PAMR1: variants seen among roughly 807,000 people sequenced by gnomAD.
PAMR1 encodes the protein inactive serine protease PAMR1.
In PAMR1, 88 loss-of-function variants were observed where a neutral mutation model predicts 81.8. That is an observed-to-expected ratio of 1.08 (90% CI 0.91 to 1.28). The LOEUF is 1.28. PAMR1 is among the 50% of genes most tolerant of loss of function. The pLI is 0.00. For synonymous variants in PAMR1, 336 were observed against 345.3 expected, an observed-to-expected ratio of 0.97 and a Z score of 0.30; for missense variants, 935 against 919.7, an observed-to-expected ratio of 1.02 and a Z score of -0.21.
chr11:35,514,734 C>G (rs1851132064), intron 1 of PAMR1, among the ~76,000 whole-genome samples: 1 of 152,168 alleles, frequency 6.6e-6, no homozygotes, highest in African/African-American at 2.4e-5. Flanking sequence ...TGCCTGTAAT[C>G]CTAGAGCTTT....
intron 7 of PAMR1, among the ~76,000 whole-genome samples, chr11:35,440,751 T>C (rs1019069670): frequency 3.9e-5 from 6 of 152,222 alleles, no homozygotes; most frequent in Admixed American, 2.6e-4. Context: ...AGTTTACCCC[T>C]TGATTCCCAG....
At chr11:35,522,144 G>T (rs547712) in intron 1 of PAMR1, among the ~76,000 whole-genome samples, 19 of 152,134 alleles carry the variant, frequency 1.2e-4, no homozygotes, top group South Asian at 4.2e-4. Context: ...GGATGGCCTC[G>T]ATCTCCTGAC....
In PAMR1 at chr11:35,468,029, T is replaced by C; in HGVS notation, c.792A>G (p.Ala264=). 3 of 1,562,214 alleles carry C rather than the reference T, an allele frequency of 1.9e-6. No homozygotes were observed. Among genetic ancestry groups the C allele is most frequent in the Non-Finnish European group, 2.6e-6 (3 of 1,151,538 alleles). The change falls in exon 6 of 11, where the codon GCA becomes GCG. Residue 264 remains alanine (A), a synonymous_variant. Transcript: ENST00000619888. ...KAGSYKCACL[A]GYTGQRCENL... is the part of the protein sequence containing the mutation. Reference sequence around the variant, plus strand: ...TTTCACAGCGCTGCCCAGTATAGCCTGCCAAGCAGGCACACTTGTAAGATC... The same window carrying C: ...TTTCACAGCGCTGCCCAGTATAGCCCGCCAAGCAGGCACACTTGTAAGATC...
upstream of PAMR1, chr11:35,526,114 C>T (rs61879580): frequency 0.21 from 33,311 of 157,166 alleles, 3,794 homozygotes; most frequent in Non-Finnish European, 0.25. Flanking sequence ...AAGGGAGCCT[C>T]CCTCCACTCC....
At chr11:35,528,320 A>T (rs1851422210), upstream of PAMR1, among the ~76,000 whole-genome samples, 1 of 152,120 alleles carries the variant, frequency 6.6e-6, no homozygotes, top group African/African-American at 2.4e-5. Flanking sequence ...ACAACCCTAG[A>T]CCCTTATCAG....
chr11:35,528,334 A>G (rs1226569079), upstream of PAMR1, among the ~76,000 whole-genome samples: 1 of 152,218 alleles, frequency 6.6e-6, no homozygotes, highest in East Asian at 1.9e-4. Context: ...TTATCAGCCC[A>G]GAGGAATCTA....
chr11:35,517,684 C>T (rs1421933605), intron 1 of PAMR1, among the ~76,000 whole-genome samples: 1 of 152,232 alleles, frequency 6.6e-6, no homozygotes, highest in East Asian at 1.9e-4. Flanking sequence ...TTTACTTTTG[C>T]TGAATATCTC....
chr11:35,520,105 C>T (rs1851244085), intron 1 of PAMR1, among the ~76,000 whole-genome samples: 1 of 152,126 alleles, frequency 6.6e-6, no homozygotes, highest in Admixed American at 6.5e-5. Context: ...TTTGGATAGC[C>T]AAACTTGGGA....
rs1028034345 is a variant in PAMR1 at position 35,457,488 on chromosome 11, G to A, written c.820+10513C>T. 5.0e-5 allele frequency among the ~76,000 whole-genome samples: 7 copies of A among 138,924 alleles called. No individual in the cohort carries two copies. The East Asian group carries it at 1.4e-3, about 28-fold the overall frequency. The allele number at this position is 138,924 out of a possible 152,430, so 91.1% of individuals were successfully genotyped here. ...ATAATTGTGTGAGCCAATACTTTGT[G>A]TGTATGTGTGTGTGTATACACATAT... is the stretch of plus-strand genomic sequence containing the variant. On this transcript the variant is annotated intron_variant, in intron 6 of 10. Coordinates refer to ENST00000619888, the MANE Select transcript of PAMR1 (RefSeq NM_001001991.3).
chr11:35,514,271 G>A (rs1217569883), intron 1 of PAMR1, among the ~76,000 whole-genome samples: 1 of 152,208 alleles, frequency 6.6e-6, no homozygotes, highest in Non-Finnish European at 1.5e-5. Context: ...ATTCTCTGCA[G>A]AACAGAAAAA....
chr11:35,495,308 G>A (rs188867167), intron 1 of PAMR1, among the ~76,000 whole-genome samples: 17 of 151,270 alleles, frequency 1.1e-4, no homozygotes, highest in Admixed American at 5.3e-4. Flanking sequence ...TCATTCAGGC[G>A]CCAAGTGCAA....
At chr11:35,456,507 G>A (rs908389742) in intron 6 of PAMR1, among the ~76,000 whole-genome samples, 8 of 152,130 alleles carry the variant, frequency 5.3e-5, no homozygotes, top group Non-Finnish European at 1.2e-4. Context: ...TGTTGGAATT[G>A]GAGCTCCCAG....
chr11:35,492,186 C>T lies in PAMR1; in HGVS notation c.251-13G>A, dbSNP rs556026794. 8 of 1,613,784 alleles carry T rather than the reference C, an allele frequency of 5.0e-6. No individual in the cohort carries two copies. The Admixed American group carries it at 1.2e-4, about 24-fold the overall frequency. On this transcript the variant is annotated splice_polypyrimidine_tract_variant and intron_variant, in intron 2 of 10. Transcript: ENST00000619888. ...AAGATGGTACAACCTGAAACATTCC[C>T]AAGAAGAGGAGTGTTAGGCCAAAGC... is the stretch of plus-strand genomic sequence containing the variant.
intron 1 of PAMR1, among the ~76,000 whole-genome samples, chr11:35,498,881 G>A (rs184693622): frequency 2.0e-5 from 3 of 152,264 alleles, no homozygotes; most frequent in Admixed American, 6.5e-5. Context: ...GATCCCATCC[G>A]TGGTTATTTC....
intron 1 of PAMR1, among the ~76,000 whole-genome samples, chr11:35,494,554 C>G (rs1269137510): frequency 6.6e-6 from 1 of 152,138 alleles, no homozygotes; most frequent in Non-Finnish European, 1.5e-5. Flanking sequence ...AGGATGGTCT[C>G]GATTTCCTCA....
rs1240203952 is a variant in PAMR1, at chr11:35,507,093, C to T, written c.74-12821G>A. Reference sequence around the variant, plus strand: ...CAGAGTTTTGCTCTTGTTGCCCAGGCTGGAGTGCAATGGTGCAATCTCAGC... The same window carrying T: ...CAGAGTTTTGCTCTTGTTGCCCAGGTTGGAGTGCAATGGTGCAATCTCAGC... On this transcript the variant is annotated intron_variant, in intron 1 of 10. Coordinates refer to ENST00000619888, the MANE Select transcript of PAMR1 (RefSeq NM_001001991.3). 1.3e-4 allele frequency among the ~76,000 whole-genome samples: 16 copies of T among 120,712 alleles called. No individual in the cohort carries two copies. In the East Asian group the frequency reaches 2.2e-3, roughly 16 times the overall value. 79.2% of individuals were successfully genotyped at this position (120,712 alleles called of 152,430 possible).
In PAMR1 at chr11:35,468,123, G is replaced by T; in HGVS notation, c.713-15C>A. 2 of 1,491,988 alleles carry T rather than the reference G, an allele frequency of 1.3e-6. No homozygotes were observed. Among genetic ancestry groups the T allele is most frequent in the Non-Finnish European group, 9.2e-7 (1 of 1,092,570 alleles). The allele number at this position is 1,491,988 out of a possible 1,614,324, so 92.4% of individuals were successfully genotyped here. A position where few individuals can be genotyped will look rare whatever the true frequency, so the allele number is the denominator to read the frequency against. On this transcript the variant is annotated splice_polypyrimidine_tract_variant and intron_variant, in intron 5 of 10. Coordinates refer to ENST00000619888, the MANE Select transcript of PAMR1 (RefSeq NM_001001991.3). ...TGAGGAGCATGCTGTAAGAGAAAAG[G>T]CATCCTTCAGTGCCACTATACATTG...
At chr11:35,503,710 T>G (rs2135411048) in intron 1 of PAMR1, among the ~76,000 whole-genome samples, 1 of 152,276 alleles carries the variant, frequency 6.6e-6, no homozygotes, top group Non-Finnish European at 1.5e-5. Context: ...TTCTTATAGG[T>G]TGATTTGTAT....
chr11:35,453,617 G>GCTC lies in PAMR1; in HGVS notation c.821-11927_821-11925dup, dbSNP rs1262572682. On this transcript the variant is annotated intron_variant, in intron 6 of 10. Coordinates refer to ENST00000619888, the MANE Select transcript of PAMR1 (RefSeq NM_001001991.3). ...CATAGGCCATCTGCACCTCATCAGA[G>GCTC]CTCCTCCCCAGGGTCAGATTTCAAA... 2.4e-4 allele frequency among the ~76,000 whole-genome samples: 36 copies of GCTC among 152,286 alleles called. No individual in the cohort carries two copies. In the South Asian group the frequency reaches 7.0e-3, roughly 30 times the overall value.
Sources: allele counts gnomAD v4.1 joint callset (sites outside exome capture counted in the v4.1 genomes callset), GRCh38; gene constraint gnomAD v4.1.1; transcripts MANE v1.5; gene names NCBI Gene and HGNC (gene_info 2026-07-23, HGNC 2026-07-21).